The following MAP2 variants were observed in gnomAD, a reference collection of about 807,000 sequenced individuals.
MAP2 encodes microtubule-associated protein 2.
Under a neutral mutation model 137.6 loss-of-function variants are expected in MAP2, and 14 were observed. The ratio of observed to expected loss-of-function variants is 0.10; its 90% CI spans 0.07 to 0.16. The LOEUF (loss-of-function observed/expected upper bound fraction) is 0.16. Ranked by LOEUF, MAP2 falls within the 10% of genes least tolerant of loss-of-function variation. The probability of loss-of-function intolerance (pLI) is 1.00; values close to 1 mark genes in which losing one functional copy is unlikely to be tolerated. For synonymous variants in MAP2, 786 were observed against 782.3 expected, an observed-to-expected ratio of 1.00 and a Z score of -0.08; for missense variants, 2,088 against 2,191.5, an observed-to-expected ratio of 0.95 and a Z score of 0.94.
chr2:209,468,697 A>G (rs904923797), intron 1 of MAP2, among the ~76,000 whole-genome samples: 1 of 152,212 alleles, frequency 6.6e-6, no homozygotes, highest in Non-Finnish European at 1.5e-5. Context: ...ACTCAGCAAC[A>G]TGAGTTTCAT....
chr2:209,607,330 T>C (rs1280858873), intron 3 of MAP2, among the ~76,000 whole-genome samples: 1 of 152,210 alleles, frequency 6.6e-6, no homozygotes, highest in Non-Finnish European at 1.5e-5. Context: ...CAAGAGATAA[T>C]ATAAAACTTG....
chr2:209,572,426 G>A (rs2074550070), intron 2 of MAP2, among the ~76,000 whole-genome samples: 1 of 151,868 alleles, frequency 6.6e-6, no homozygotes, highest in Non-Finnish European at 1.5e-5. Context: ...TTTCTTACTG[G>A]GTTTTATGTA....
chr2:209,514,182 T>TCTCC (rs2062129244), intron 2 of MAP2, among the ~76,000 whole-genome samples: 1 of 152,116 alleles, frequency 6.6e-6, no homozygotes, highest in Non-Finnish European at 1.5e-5. Context: ...GATATGTTTT[T>TCTCC]TTAATACAAA....
At chr2:209,514,326 G>A (rs967741928) in intron 2 of MAP2, among the ~76,000 whole-genome samples, 15 of 151,660 alleles carry the variant, frequency 9.9e-5, no homozygotes, top group Admixed American at 7.9e-4. Flanking sequence ...GGTGATTATT[G>A]TTTAAAGTCC....
At chr2:209,676,212 T>C (rs747714959) in intron 5 of MAP2, among the ~76,000 whole-genome samples, 2 of 151,872 alleles carry the variant, frequency 1.3e-5, no homozygotes, top group Non-Finnish European at 2.9e-5. Context: ...GCAGCCATAA[T>C]AAAGAACAAG....
Position 209,680,788 on chromosome 2 carries a change from C to G in MAP2, c.415C>G (p.Pro139Ala), listed in dbSNP as rs757171238. The part of the protein sequence containing the change: ...ETANLPPSPP[P>A]SPASEQTVTV... ...AGCTAATCTGCCTCCTTCTCCACCC[C>G]CATCACCTGCCTCAGAACAGACTGT... Residue 139 changes from proline (P) to alanine (A), a missense_variant, in exon 7 of 16, where the codon CCA (proline) becomes GCA (alanine). Pro to Ala is a conservative substitution (Grantham distance 27). This residue lies in a region of MAP2 where 859 missense variants were observed against 794.5 expected (regional missense o/e 1.08). Transcript: ENST00000682079. The G allele has an allele frequency of 1.1e-5, 17 of 1,613,558 alleles. No homozygotes were observed. The highest frequency in any genetic ancestry group is 1.3e-5 in the African/African-American group (1 of 74,886).
At position 209,524,812 on chromosome 2, in the gene MAP2, C is replaced by A. The variant is rs902497141; in HGVS notation, c.-172+17171C>A. On this transcript the variant is annotated intron_variant, in intron 2 of 15. Coordinates refer to ENST00000682079, the MANE Select transcript of MAP2 (RefSeq NM_001375505.1). The stretch of plus-strand genomic sequence containing the variant: ...TTTATGAATAAGCTTCTATGGATTA[C>A]AAAGGGTGTGAAAAAAGTTAATATC... Among the ~76,000 whole-genome samples, 7 of 152,016 alleles carry A rather than the reference C, an allele frequency of 4.6e-5. No homozygotes were observed. In the East Asian group the frequency reaches 1.4e-3, roughly 29 times the overall value.
chr2:209,513,505 A>G (rs2062020139), intron 2 of MAP2, among the ~76,000 whole-genome samples: 1 of 152,196 alleles, frequency 6.6e-6, no homozygotes, highest in Non-Finnish European at 1.5e-5. Flanking sequence ...ATTGCAAAAC[A>G]GAATATAAAC....
rs1487358661 is a variant in MAP2, at chr2:209,693,356, A to G, written c.1186A>G (p.Ile396Val). 4 of 1,611,964 alleles carry G rather than the reference A, an allele frequency of 2.5e-6. No homozygotes were observed. The highest frequency in any genetic ancestry group is 3.4e-6 in the Non-Finnish European group (4 of 1,179,572). Residue 396 changes from isoleucine to valine, a missense_variant, in exon 8 of 16, where the codon ATT becomes GTT. Ile to Val is a conservative substitution (Grantham distance 29, BLOSUM62 3). Around this residue, in one of 6 missense-constraint regions of MAP2, gnomAD observed 859 missense variants for 794.5 expected, o/e 1.08. Transcript: ENST00000682079. ...AATGACCTTACCCAAAGATGCTCACATTCCAGTTGTAGAAGAACATGTTAT... is the reference window on the plus strand; with the variant it reads ...AATGACCTTACCCAAAGATGCTCACGTTCCAGTTGTAGAAGAACATGTTAT... ...EAMTLPKDAH[I>V]PVVEEHVMGK... is the part of the protein sequence containing the mutation.
At chr2:209,545,956 C>T (rs1411959831) in intron 2 of MAP2, among the ~76,000 whole-genome samples, 3 of 152,056 alleles carry the variant, frequency 2.0e-5, no homozygotes, top group South Asian at 2.1e-4. Context: ...CTGGTTAACA[C>T]GGTGAAACCC....
chr2:209,654,588 T>C (rs553218553), intron 5 of MAP2, among the ~76,000 whole-genome samples: 1 of 152,316 alleles, frequency 6.6e-6, no homozygotes, highest in Non-Finnish European at 1.5e-5. Flanking sequence ...GTGGTATCAA[T>C]ATGGATGACA....
At chr2:209,541,489 G>A (rs1285817214) in intron 2 of MAP2, among the ~76,000 whole-genome samples, 1 of 151,158 alleles carries the variant, frequency 6.6e-6, no homozygotes, top group Non-Finnish European at 1.5e-5. Context: ...TACCACATTG[G>A]TTGTGTCTTC....
At chr2:209,608,012 T>C (rs2085398453) in intron 3 of MAP2, among the ~76,000 whole-genome samples, 1 of 152,224 alleles carries the variant, frequency 6.6e-6, no homozygotes. Context: ...AAATGTTTTC[T>C]GAGAGATCTC....
At chr2:209,617,212 G>A (rs1042091287) in intron 3 of MAP2, among the ~76,000 whole-genome samples, 4 of 152,122 alleles carry the variant, frequency 2.6e-5, no homozygotes, top group Non-Finnish European at 4.4e-5. Context: ...CCTAGAGATA[G>A]ACAAAAGGAC....
intron 2 of MAP2, among the ~76,000 whole-genome samples, chr2:209,553,010 T>C (rs2069560044): frequency 6.6e-6 from 1 of 151,674 alleles, no homozygotes; most frequent in African/African-American, 2.4e-5. Flanking sequence ...AAAGAATGTT[T>C]TGTTGTTGTT....
At chr2:209,536,073 G>T (rs1391627704) in intron 2 of MAP2, among the ~76,000 whole-genome samples, 3 of 152,100 alleles carry the variant, frequency 2.0e-5, no homozygotes, top group African/African-American at 7.2e-5. Context: ...AAATAAATTG[G>T]TATTTTAACT....
intron 1 of MAP2, among the ~76,000 whole-genome samples, chr2:209,503,301 C>T (rs2060627360): frequency 6.6e-6 from 1 of 151,918 alleles, no homozygotes; most frequent in Non-Finnish European, 1.5e-5. Context: ...ACGCCCAGCC[C>T]TATATTTTGG....
At chr2:209,634,657 A>C (rs1292531993) in intron 4 of MAP2, among the ~76,000 whole-genome samples, 2 of 152,192 alleles carry the variant, frequency 1.3e-5, no homozygotes, top group Non-Finnish European at 2.9e-5. Context: ...AAATCAAAAA[A>C]GATTTTGGTA....
At chr2:209,567,644 C>A (rs16843125) in intron 2 of MAP2, among the ~76,000 whole-genome samples, 2,993 of 151,656 alleles carry the variant, frequency 0.02, 94 homozygotes, top group African/African-American at 0.068. Flanking sequence ...ACACTGACTT[C>A]TTCAATTATA....
Sources: allele counts gnomAD v4.1 joint callset (sites outside exome capture counted in the v4.1 genomes callset), GRCh38; gene constraint gnomAD v4.1.1; regional missense constraint gnomAD v4.1.1; transcripts MANE v1.5; gene names NCBI Gene and HGNC (gene_info 2026-07-23, HGNC 2026-07-21).